Variants in VWA3B observed in about 807,000 individuals in gnomAD.
VWA3B encodes the protein von Willebrand factor A domain-containing protein 3B.
Under a neutral mutation model 158.3 loss-of-function variants are expected in VWA3B, and 138 were observed. That is an observed-to-expected ratio of 0.87 (90% CI 0.76 to 1.00). VWA3B has a LOEUF of 1.00. VWA3B is among the 50% of genes least tolerant of loss of function. The pLI is 0.00. For missense variants in VWA3B, 1,555 were observed against 1,565.1 expected, an observed-to-expected ratio of 0.99 and a Z score of 0.11; for synonymous variants, 596 against 587.3, an observed-to-expected ratio of 1.01 and a Z score of -0.21.
intron 12 of VWA3B, chr2:98,206,319 A>G (rs1479264177): frequency 5.9e-6 from 1 of 168,526 alleles, no homozygotes; most frequent in Non-Finnish European, 1.3e-5. Flanking sequence ...GAAGACAGGC[A>G]CCACCACTGG....
intron 19 of VWA3B, among the ~76,000 whole-genome samples, chr2:98,241,523 A>G (rs1472314531): frequency 1.3e-5 from 2 of 151,924 alleles, no homozygotes; most frequent in Non-Finnish European, 2.9e-5. Context: ...GGATGTACCC[A>G]AAGCTCTTTA....
At chr2:98,214,980 G>A (rs1683853311) in intron 13 of VWA3B, among the ~76,000 whole-genome samples, 1 of 152,148 alleles carries the variant, frequency 6.6e-6, no homozygotes, top group South Asian at 2.1e-4. Flanking sequence ...GCAGGGTATT[G>A]ACAAGAATTC....
At position 98,211,925 on chromosome 2, in the gene VWA3B, C is replaced by T. The variant is rs202224893; in HGVS notation, c.1738-5C>T. On this transcript the variant is annotated splice_region_variant and splice_polypyrimidine_tract_variant and intron_variant, in intron 12 of 27. Transcript: ENST00000477737. ...GTGTGTCCTTGGTGTCTCTTTTTTC[C>T]GTAGATTGGAAGCTCCACAAACACC... 3.9e-4 allele frequency: 622 copies of T among 1,610,196 alleles called. 1 individual carries two copies. Among genetic ancestry groups the T allele is most frequent in the Non-Finnish European group, 5.1e-4 (596 of 1,178,692 alleles).
chr2:98,282,970 A>G, intron 22 of VWA3B, among the ~76,000 whole-genome samples: 1 of 152,226 alleles, frequency 6.6e-6, no homozygotes, highest in East Asian at 1.9e-4. Flanking sequence ...TATCAGAAGA[A>G]TTGGGAAGTG....
rs1159384457 is a variant in VWA3B at position 98,312,744 on chromosome 2, G to A, written c.*395G>A. The A allele has an allele frequency of 5.8e-6, 1 of 173,018 alleles. No individual in the cohort carries two copies. Among genetic ancestry groups the A allele is most frequent in the African/African-American group, 2.4e-5 (1 of 41,842 alleles). 10.7% of individuals were successfully genotyped at this position (173,018 alleles called of 1,614,324 possible). A position where few individuals can be genotyped will look rare whatever the true frequency, so the allele number is the denominator to read the frequency against. On this transcript the variant is annotated 3_prime_UTR_variant, in exon 28 of 28. Coordinates refer to ENST00000477737, the MANE Select transcript of VWA3B (RefSeq NM_144992.5). The stretch of plus-strand genomic sequence containing the variant: ...AATTAATTATCACATCTAAATTAGA[G>A]AATTTGTCACCCAATATTAGGACTG...
chr2:98,167,977 C>G (rs1375489981), intron 8 of VWA3B, among the ~76,000 whole-genome samples: 1 of 152,168 alleles, frequency 6.6e-6, no homozygotes, highest in Non-Finnish European at 1.5e-5. Flanking sequence ...TTCTAGGTAA[C>G]ATAACTGCAT....
At chr2:98,290,735 G>T in intron 23 of VWA3B, 113 bp downstream of exon 23, 1 of 735,202 alleles carries the variant, frequency 1.4e-6, no homozygotes, top group Non-Finnish European at 2.3e-6. Flanking sequence ...GAGCTGGCCT[G>T]AGCTAGTCCA....
At chr2:98,191,233 C>A (rs1222287456) in intron 10 of VWA3B, among the ~76,000 whole-genome samples, 1 of 152,088 alleles carries the variant, frequency 6.6e-6, no homozygotes, top group East Asian at 1.9e-4. Context: ...TCTGTTTATA[C>A]TTTACCTTTT....
rs771374994 is a variant in VWA3B at position 98,194,350 on chromosome 2, G to C, written c.1606-11G>C. 2 of 1,611,226 alleles carry C rather than the reference G, an allele frequency of 1.2e-6. No homozygotes were observed. Among genetic ancestry groups the C allele is most frequent in the Non-Finnish European group, 1.7e-6 (2 of 1,177,930 alleles). The stretch of plus-strand genomic sequence containing the variant: ...GTGGTTTTATGGTTAAATAATCATT[G>C]TCTCTTTTAGGAACAGCTGAAATAT... On this transcript the variant is annotated splice_polypyrimidine_tract_variant and intron_variant, in intron 11 of 27. Transcript: ENST00000477737.
At chr2:98,216,507 T>G (rs1036257059) in intron 13 of VWA3B, among the ~76,000 whole-genome samples, 1 of 152,214 alleles carries the variant, frequency 6.6e-6, no homozygotes, top group Non-Finnish European at 1.5e-5. Flanking sequence ...AACCTGCACA[T>G]GCACAAACAG....
At chr2:98,187,333 G>C (rs1410780450) in intron 9 of VWA3B, among the ~76,000 whole-genome samples, 1 of 152,048 alleles carries the variant, frequency 6.6e-6, no homozygotes, top group Non-Finnish European at 1.5e-5. Context: ...TGTATTCCTG[G>C]TGTCTTAGAA....
At chr2:98,228,417 T>C (rs1296532474) in intron 15 of VWA3B, 85 bp downstream of exon 15, 25 of 1,448,042 alleles carry the variant, frequency 1.7e-5, no homozygotes, top group Non-Finnish European at 2.3e-5. Context: ...CTTTCTGAAA[T>C]GCTCTGTGAA....
chr2:98,199,704 A>G (rs961548444), intron 12 of VWA3B, among the ~76,000 whole-genome samples: 2 of 152,248 alleles, frequency 1.3e-5, no homozygotes, highest in South Asian at 2.1e-4. Flanking sequence ...CTTTGAAGAC[A>G]GACAGTATTT....
At chr2:98,222,880 A>T (rs1007794121) in intron 14 of VWA3B, among the ~76,000 whole-genome samples, 1 of 152,232 alleles carries the variant, frequency 6.6e-6, no homozygotes, top group Non-Finnish European at 1.5e-5. Flanking sequence ...AAGATTTTAA[A>T]TAGGACCCAG....
chr2:98,146,355 G>T (rs1313219597), intron 7 of VWA3B, among the ~76,000 whole-genome samples: 1 of 152,196 alleles, frequency 6.6e-6, no homozygotes, highest in African/African-American at 2.4e-5. Context: ...TGTCCTAGGG[G>T]AGGAAAGGTA....
At position 98,298,780 on chromosome 2, in the gene VWA3B, C is replaced by T. The variant is rs571982062; in HGVS notation, c.3282+749C>T. On this transcript the variant is annotated intron_variant, in intron 24 of 27. Transcript: ENST00000477737. ...GCACTCCACAGGGTGGGAATGGGCC[C>T]GAGCAAGAGGCTCAAGGGCGCTGTT... is the stretch of plus-strand genomic sequence containing the variant. 5.3e-5 allele frequency among the ~76,000 whole-genome samples: 8 copies of T among 152,316 alleles called. No homozygotes were observed. In the South Asian group the frequency reaches 8.3e-4, roughly 16 times the overall value.
intron 23 of VWA3B, among the ~76,000 whole-genome samples, chr2:98,293,160 A>G (rs1689600240): frequency 6.6e-6 from 1 of 152,138 alleles, no homozygotes; most frequent in South Asian, 2.1e-4. Flanking sequence ...GGCTAATACC[A>G]TGGCCATGTG....
chr2:98,179,243 G>A (rs755871885), intron 8 of VWA3B: 6 of 471,112 alleles, frequency 1.3e-5, no homozygotes, highest in South Asian at 9.3e-5. Context: ...TTCTCCCTTA[G>A]GTGCTGTTCC....
chr2:98,177,193 C>T (rs192193411), intron 8 of VWA3B, among the ~76,000 whole-genome samples: 1 of 152,224 alleles, frequency 6.6e-6, no homozygotes, highest in Admixed American at 6.5e-5. Flanking sequence ...AAGCATTTTC[C>T]CAGTAGGTCT....
Sources: allele counts gnomAD v4.1 joint callset (sites outside exome capture counted in the v4.1 genomes callset), GRCh38; gene constraint gnomAD v4.1.1; transcripts MANE v1.5; gene names NCBI Gene and HGNC (gene_info 2026-07-23, HGNC 2026-07-21).